The following LYZL6 variants were observed in gnomAD, a reference collection of about 807,000 sequenced individuals.
LYZL6 encodes the protein lysozyme like 6.
A neutral mutation model predicts 15.0 loss-of-function variants in LYZL6; 21 were observed. The ratio of observed to expected loss-of-function variants is 1.40; its 90% CI spans 1.00 to 2.02. The LOEUF (loss-of-function observed/expected upper bound fraction) is 2.02, where lower values mean the gene tolerates loss of function less well. Among genes scored for constraint, LYZL6 ranks in the 30% most tolerant of loss-of-function variants. LYZL6 has a pLI of 0.00. For missense variants in LYZL6, 173 were observed against 180.5 expected (o/e 0.96, Z 0.24); for synonymous variants, 72 against 67.8 (o/e 1.06, Z -0.31).
chr17:35,937,192 C>T (rs1156805327), intron 3 of LYZL6, among the ~76,000 whole-genome samples: 4 of 152,272 alleles, frequency 2.6e-5, no homozygotes, highest in South Asian at 2.1e-4. Context: ...GGCGAGGAGC[C>T]GAGGGACATC....
At chr17:35,937,975 G>T in intron 2 of LYZL6, 59 bp from the exon 3 acceptor site, 1 of 1,549,572 alleles carries the variant, frequency 6.5e-7, no homozygotes, top group Non-Finnish European at 8.8e-7. Flanking sequence ...TGAGAAGGGA[G>T]ATGGAGGAGA....
In LYZL6 at chr17:35,936,842, G is replaced by C. The variant is rs1185542956; in HGVS notation, c.299-9C>G. The C allele has an allele frequency of 6.2e-7, 1 of 1,612,700 alleles. No homozygotes were observed. Among genetic ancestry groups the C allele is most frequent in the Non-Finnish European group, 8.5e-7 (1 of 1,179,500 alleles). On this transcript the variant is annotated splice_polypyrimidine_tract_variant and intron_variant, in intron 3 of 4. Transcript: ENST00000615905. ...GTTGGGATTCAGCAGATCTGAAAGG[G>C]AGGAAGAGAAAACCTGTGAGGGCAC...
intron 1 of LYZL6, among the ~76,000 whole-genome samples, chr17:35,940,341 C>T (rs1234495055): frequency 6.6e-6 from 1 of 152,090 alleles, no homozygotes; most frequent in Non-Finnish European, 1.5e-5. Flanking sequence ...ATGGCTGATT[C>T]CCAGGCTGGA....
intron 1 of LYZL6, among the ~76,000 whole-genome samples, chr17:35,943,339 C>T (rs762352862): frequency 6.6e-6 from 1 of 152,152 alleles, no homozygotes; most frequent in Non-Finnish European, 1.5e-5. Context: ...TCATTCTACC[C>T]CCAGAGCTGA....
chr17:35,937,716 G>T, intron 3 of LYZL6, 42 bp downstream of exon 3: 1 of 1,591,418 alleles, frequency 6.3e-7, no homozygotes, highest in Non-Finnish European at 8.6e-7. Context: ...GCAGAGCCTG[G>T]TTGCTGCTCT....
At chr17:35,940,825 G>A (rs1345610280) in intron 1 of LYZL6, among the ~76,000 whole-genome samples, 3 of 152,140 alleles carry the variant, frequency 2.0e-5, no homozygotes, top group Non-Finnish European at 4.4e-5. Flanking sequence ...GTTTCATTCA[G>A]GTTGGAGCAT....
chr17:35,943,359 C>G (rs2089437837), intron 1 of LYZL6, among the ~76,000 whole-genome samples: 1 of 152,094 alleles, frequency 6.6e-6, no homozygotes, highest in African/African-American at 2.4e-5. Context: ...ACAGATTTGG[C>G]AAATAAAATT....
In LYZL6 at chr17:35,940,714, G is replaced by A. The variant is rs2089419097; in HGVS notation, c.-202-1156C>T. Among the ~76,000 whole-genome samples the A allele has an allele frequency of 2.0e-5, 3 of 152,096 alleles. No homozygotes were observed. In the South Asian group the frequency reaches 6.2e-4, roughly 32 times the overall value. On this transcript the variant is annotated intron_variant, in intron 1 of 4. Transcript: ENST00000615905. ...CCTGGCAACCACTAATCTACTTTCT[G>A]TCTCTATGGATTTGCCTCTTCTGGA...
intron 4 of LYZL6, 43 bp downstream of exon 4, chr17:35,936,712 T>G: frequency 1.3e-6 from 2 of 1,571,494 alleles, no homozygotes; most frequent in Non-Finnish European, 1.7e-6. Flanking sequence ...CACGTCCTCC[T>G]TCGTGGGGCT....
Position 35,936,833 on chromosome 17 carries a change from T to A in LYZL6, c.299A>T (p.Asp100Val). ...SENLCHVDCQDLLNPNLLAGI... is the reference protein window; with the variant it reads ...SENLCHVDCQVLLNPNLLAGI... ...TGCAAGAAGGTTGGGATTCAGCAGA[T>A]CTGAAAGGGAGGAAGAGAAAACCTG... Residue 100 changes from aspartate to valine, a missense_variant and splice_region_variant, in exon 4 of 5, where the codon GAT becomes GTT. Asp to Val is a radical substitution (Grantham distance 152, BLOSUM62 -3). Coordinates refer to ENST00000615905, the MANE Select transcript of LYZL6 (RefSeq NM_020426.4). 1 of 1,613,452 alleles carries A rather than the reference T, an allele frequency of 6.2e-7. No homozygotes were observed. Among genetic ancestry groups the A allele is most frequent in the Non-Finnish European group, 8.5e-7 (1 of 1,179,876 alleles).
chr17:35,936,848 G>T lies in LYZL6; in HGVS notation c.299-15C>A. On this transcript the variant is annotated splice_polypyrimidine_tract_variant and intron_variant, in intron 3 of 4. Transcript: ENST00000615905. ...ATTCAGCAGATCTGAAAGGGAGGAA[G>T]AGAAAACCTGTGAGGGCACAGAAGA... 1 of 1,611,262 alleles carries T rather than the reference G, an allele frequency of 6.2e-7. No individual in the cohort carries two copies. Among genetic ancestry groups the T allele is most frequent in the Non-Finnish European group, 8.5e-7 (1 of 1,178,334 alleles).
chr17:35,939,893 C>T (rs1228199517), intron 1 of LYZL6, among the ~76,000 whole-genome samples: 4 of 152,188 alleles, frequency 2.6e-5, no homozygotes, highest in Admixed American at 2.6e-4. Flanking sequence ...AAGGAGATTA[C>T]TGAAGACTAT....
chr17:35,936,259 T>C (rs2089372043), intron 4 of LYZL6, among the ~76,000 whole-genome samples: 1 of 152,252 alleles, frequency 6.6e-6, no homozygotes, highest in Non-Finnish European at 1.5e-5. Context: ...TCAGATTCTC[T>C]ATCCCAGGAA....
chr17:35,941,950 A>C (rs2089427398), intron 1 of LYZL6, among the ~76,000 whole-genome samples: 1 of 152,260 alleles, frequency 6.6e-6, no homozygotes, highest in South Asian at 2.1e-4. Flanking sequence ...ATAACCAGAC[A>C]GTATTTTGAC....
At chr17:35,937,994 C>A in intron 2 of LYZL6, 78 bp from the exon 3 acceptor site, 1 of 1,449,782 alleles carries the variant, frequency 6.9e-7, no homozygotes. Context: ...GAAAGGGAGG[C>A]AAGGTTTCAG....
intron 4 of LYZL6, among the ~76,000 whole-genome samples, chr17:35,935,571 A>C (rs1356510421): frequency 6.6e-6 from 1 of 151,714 alleles, no homozygotes; most frequent in Non-Finnish European, 1.5e-5. Flanking sequence ...CATGGACAGA[A>C]AGCAAGGGAA....
chr17:35,937,289 T>C (rs941822212), intron 3 of LYZL6, among the ~76,000 whole-genome samples: 2 of 152,174 alleles, frequency 1.3e-5, no homozygotes, highest in African/African-American at 4.8e-5. Flanking sequence ...GAGTTTGCAC[T>C]TGGTCTTTGG....
At chr17:35,939,854 G>T (rs2141968297) in intron 1 of LYZL6, among the ~76,000 whole-genome samples, 1 of 152,224 alleles carries the variant, frequency 6.6e-6, no homozygotes, top group Non-Finnish European at 1.5e-5. Context: ...GGTAGTATTT[G>T]GGTATTGGGA....
chr17:35,942,377 T>C (rs2089430261), intron 1 of LYZL6, among the ~76,000 whole-genome samples: 1 of 152,158 alleles, frequency 6.6e-6, no homozygotes, highest in African/African-American at 2.4e-5. Flanking sequence ...TTTTTCCCCT[T>C]AACTTAGGTA....
Sources: gnomAD v4.1 joint callset for allele counts (sites outside exome capture counted in the v4.1 genomes callset) on GRCh38, gnomAD v4.1.1 for gene constraint, MANE v1.5 for transcripts, NCBI Gene and HGNC (gene_info 2026-07-23, HGNC 2026-07-21) for gene names.